PCDH9: variants seen among roughly 807,000 people sequenced by gnomAD.
PCDH9 encodes protocadherin-9.
A neutral mutation model predicts 70.6 loss-of-function variants in PCDH9; 24 were observed. That is an observed-to-expected ratio of 0.34 (90% CI 0.25 to 0.48). PCDH9 has a LOEUF of 0.48. Ranked by LOEUF, PCDH9 falls within the 20% of genes least tolerant of loss-of-function variation. The pLI is 0.99. For missense variants in PCDH9, 1,281 were observed against 1,503.6 expected (o/e 0.85, Z 2.45); for synonymous variants, 562 against 558.5 (o/e 1.01, Z -0.09).
chr13:67,195,425 G>A (rs562442232), intron 2 of PCDH9, among the ~76,000 whole-genome samples: 2 of 152,268 alleles, frequency 1.3e-5, no homozygotes. Flanking sequence ...TTACAGGCGT[G>A]AGCCACCGCG....
chr13:66,751,117 C>T (rs1408217678), intron 3 of PCDH9, among the ~76,000 whole-genome samples: 1 of 152,152 alleles, frequency 6.6e-6, no homozygotes, highest in Non-Finnish European at 1.5e-5. Context: ...TGCACTCCCT[C>T]TTCAGGGACT....
chr13:66,996,533 A>G (rs1195129005), intron 2 of PCDH9, among the ~76,000 whole-genome samples: 7 of 152,204 alleles, frequency 4.6e-5, no homozygotes, highest in African/African-American at 1.7e-4. Flanking sequence ...TTAAAGAATA[A>G]GTAATTTGAT....
intron 3 of PCDH9, among the ~76,000 whole-genome samples, chr13:66,650,977 T>C (rs1317815937): frequency 1.3e-5 from 2 of 151,946 alleles, no homozygotes; most frequent in Non-Finnish European, 1.5e-5. Flanking sequence ...TTTTAAGTTC[T>C]TGAAACACAT....
intron 4 of PCDH9, among the ~76,000 whole-genome samples, chr13:66,489,422 C>A (rs1958997231): frequency 6.6e-6 from 1 of 152,068 alleles, no homozygotes; most frequent in South Asian, 2.1e-4. Flanking sequence ...GCAAGCCTCC[C>A]ACCTCAGCTT....
intron 2 of PCDH9, among the ~76,000 whole-genome samples, chr13:67,168,596 G>A (rs1039151135): frequency 6.6e-6 from 1 of 151,848 alleles, no homozygotes; most frequent in Admixed American, 6.6e-5. Context: ...GCCAGGCATG[G>A]TGGGTGCACC....
At chr13:66,632,804 T>A (rs1487714426) in intron 3 of PCDH9, among the ~76,000 whole-genome samples, 5 of 152,050 alleles carry the variant, frequency 3.3e-5, no homozygotes, top group Admixed American at 6.6e-5. Context: ...GACCTTTCGA[T>A]ACCATGCTAC....
chr13:66,590,215 T>C (rs1033292628), intron 4 of PCDH9, among the ~76,000 whole-genome samples: 1 of 151,974 alleles, frequency 6.6e-6, no homozygotes, highest in African/African-American at 2.4e-5. Flanking sequence ...TTTATATAGG[T>C]TAGTATGATT....
chr13:66,958,874 T>C (rs1003432684), intron 2 of PCDH9, among the ~76,000 whole-genome samples: 1 of 152,216 alleles, frequency 6.6e-6, no homozygotes, highest in African/African-American at 2.4e-5. Context: ...GTTTTATACT[T>C]AGACGTTTTT....
At chr13:66,920,152 A>G (rs2082616436) in intron 2 of PCDH9, among the ~76,000 whole-genome samples, 1 of 151,174 alleles carries the variant, frequency 6.6e-6, no homozygotes, top group Non-Finnish European at 1.5e-5. Context: ...AAGAGATATG[A>G]CTTAATAAAC....
chr13:66,759,858 A>C (rs977454380), intron 3 of PCDH9, among the ~76,000 whole-genome samples: 1 of 152,166 alleles, frequency 6.6e-6, no homozygotes, highest in Non-Finnish European at 1.5e-5. Flanking sequence ...AAATCTTCAT[A>C]CTAAAGATAT....
At chr13:66,723,422 C>G (rs374150034) in intron 3 of PCDH9, among the ~76,000 whole-genome samples, 1 of 152,096 alleles carries the variant, frequency 6.6e-6, no homozygotes, top group Non-Finnish European at 1.5e-5. Flanking sequence ...TTACATTTTA[C>G]AAATTCAGGG....
chr13:66,835,662 AT>A (rs902484533), intron 3 of PCDH9, among the ~76,000 whole-genome samples: 12 of 151,676 alleles, frequency 7.9e-5, no homozygotes, highest in East Asian at 1.9e-4. Context: ...CCACCCAACA[AT>A]TTTTTTTTAT....
intron 3 of PCDH9, among the ~76,000 whole-genome samples, chr13:66,637,574 C>G (rs1034015929): frequency 6.6e-6 from 1 of 152,136 alleles, no homozygotes; most frequent in East Asian, 1.9e-4. Flanking sequence ...AATGGCTCCA[C>G]TAATGTAGAA....
chr13:66,417,787 G>T (rs1957487835), intron 4 of PCDH9, among the ~76,000 whole-genome samples: 1 of 152,068 alleles, frequency 6.6e-6, no homozygotes, highest in Non-Finnish European at 1.5e-5. Flanking sequence ...TATGTTTGTT[G>T]GCCGCATAAA....
At chr13:66,407,534 T>G (rs1266190310) in intron 4 of PCDH9, among the ~76,000 whole-genome samples, 1 of 152,194 alleles carries the variant, frequency 6.6e-6, no homozygotes. Context: ...TTGCTGTAGC[T>G]GTAATTTCCA....
At chr13:67,019,636 T>A (rs2084635955) in intron 2 of PCDH9, among the ~76,000 whole-genome samples, 1 of 152,180 alleles carries the variant, frequency 6.6e-6, no homozygotes, top group African/African-American at 2.4e-5. Context: ...GATGTGTGCT[T>A]AGGTCCTGAC....
At chr13:67,122,499 G>T (rs1280233971) in intron 2 of PCDH9, among the ~76,000 whole-genome samples, 1 of 151,858 alleles carries the variant, frequency 6.6e-6, no homozygotes, top group Non-Finnish European at 1.5e-5. Flanking sequence ...ATCCAGACGG[G>T]CTCAGTGGCT....
chr13:67,133,835 G>A (rs965612350), intron 2 of PCDH9, among the ~76,000 whole-genome samples: 12 of 152,120 alleles, frequency 7.9e-5, no homozygotes, highest in African/African-American at 2.2e-4. Flanking sequence ...TAGAATGAGC[G>A]GCTGTTTCAT....
Position 66,875,761 on chromosome 13 carries a change from G to C in PCDH9, c.3138+27743C>G, listed in dbSNP as rs982671217. ...AGTTTACTGCTAACAATTTACAGTT[G>C]TTTACAAATGCTAAAGGGTGAAGAG... is the stretch of plus-strand genomic sequence containing the variant. On this transcript the variant is annotated intron_variant, in intron 3 of 4. Coordinates refer to ENST00000377865, the MANE Select transcript of PCDH9 (RefSeq NM_203487.3). Among the ~76,000 whole-genome samples the C allele has an allele frequency of 2.6e-5, 4 of 152,130 alleles. No individual in the cohort carries two copies. In the East Asian group the frequency reaches 7.7e-4, roughly 29 times the overall value.
Sources: allele counts gnomAD v4.1 joint callset (sites outside exome capture counted in the v4.1 genomes callset), GRCh38; gene constraint gnomAD v4.1.1; transcripts MANE v1.5; gene names NCBI Gene and HGNC (gene_info 2026-07-23, HGNC 2026-07-21).